SLC24A1: variants seen among roughly 807,000 people sequenced by gnomAD.
The protein encoded by SLC24A1 is solute carrier family 24 member 1, also known as sodium/potassium/calcium exchanger 1.
Under a neutral mutation model 88.1 loss-of-function variants are expected in SLC24A1, and 52 were observed. The observed-to-expected ratio is 0.59, with a 90% confidence interval of 0.47 to 0.74. The LOEUF is 0.74. Among genes scored for constraint, SLC24A1 ranks in the 30% least tolerant of loss-of-function variants. The probability of loss-of-function intolerance (pLI) is 0.00; values close to 1 mark genes in which losing one functional copy is unlikely to be tolerated. For missense variants in SLC24A1, 1,173 were observed against 1,363.3 expected (o/e 0.86, Z 2.20); for synonymous variants, 455 against 498.0 (o/e 0.91, Z 1.15).
At chr15:65,659,326 T>TTTTTTG (rs2075780365), downstream of SLC24A1, 1 of 109,582 alleles carries the variant, frequency 9.1e-6, no homozygotes, top group African/African-American at 4.5e-5. Flanking sequence ...TTTCTGGTTT[T>TTTTTTG]TTTTTTTTTT....
intron 2 of SLC24A1, among the ~76,000 whole-genome samples, chr15:65,615,512 G>A (rs975596970): frequency 1.3e-5 from 2 of 152,030 alleles, no homozygotes. Context: ...GTGTAACCCT[G>A]TCTCTACTAA....
intron 5 of SLC24A1, 21 bp downstream of exon 5, chr15:65,644,534 G>C (rs751944626): frequency 2.6e-6 from 4 of 1,536,576 alleles, no homozygotes; most frequent in Non-Finnish European, 2.7e-6. Flanking sequence ...GGCCAGACCA[G>C]TGGGTTTTCT....
Position 65,624,920 on chromosome 15 carries a change from C to A in SLC24A1, c.840C>A (p.Asn280Lys), listed in dbSNP as rs887605284. Residue 280 changes from asparagine (N) to lysine (K), a missense_variant, in exon 2 of 10, where the codon AAC (asparagine) becomes AAA (lysine). Transcript: ENST00000261892. ...CAAGGAGCGTCATGGAAAAAAACAA[C>A]CTGTTTCCCCCCAGAAGAGTGGAAA... Reference protein sequence around the residue: ...TSPRSVMEKNNLFPPRRVESN... With the variant: ...TSPRSVMEKNKLFPPRRVESN... 6.2e-7 allele frequency: 1 copy of A among 1,613,308 alleles called. No homozygotes were observed. Among genetic ancestry groups the A allele is most frequent in the African/African-American group, 1.3e-5 (1 of 74,894 alleles).
chr15:65,643,293 C>G (rs917998187), intron 4 of SLC24A1, among the ~76,000 whole-genome samples: 1 of 152,186 alleles, frequency 6.6e-6, no homozygotes, highest in African/African-American at 2.4e-5. Flanking sequence ...GCTAAAGGAA[C>G]AATATGAGTG....
chr15:65,642,708 G>A (rs577680833), intron 4 of SLC24A1, among the ~76,000 whole-genome samples: 1 of 152,256 alleles, frequency 6.6e-6, no homozygotes, highest in African/African-American at 2.4e-5. Flanking sequence ...CCACTTCGAG[G>A]GACCACACAT....
At chr15:65,642,397 G>A (rs549355216) in intron 4 of SLC24A1, among the ~76,000 whole-genome samples, 1 of 152,152 alleles carries the variant, frequency 6.6e-6, no homozygotes, top group Admixed American at 6.5e-5. Flanking sequence ...GAGACAGGGT[G>A]GGGGAGACCC....
chr15:65,660,125 A>C, downstream of SLC24A1: 1 of 552,786 alleles, frequency 1.8e-6, no homozygotes, highest in Non-Finnish European at 3.2e-6. Flanking sequence ...GTAGAACATG[A>C]AGCTTGGATC....
At chr15:65,615,423 C>T (rs1352626969) in intron 2 of SLC24A1, among the ~76,000 whole-genome samples, 1 of 152,176 alleles carries the variant, frequency 6.6e-6, no homozygotes, top group Non-Finnish European at 1.5e-5. Context: ...TGGCTCACGC[C>T]TGTAATTCCA....
chr15:65,624,058 GTAACCAGATA>G lies in SLC24A1; in HGVS notation c.-18_-9del. ...CTTAGGACAGAATGAGAGGCCTTCT[GTAACCAGATA>G]TAACTGGCCAGCATGGGGAAATTGA... On this transcript the variant is annotated 5_prime_UTR_variant, in exon 2 of 10. Transcript: ENST00000261892. 5.8e-6 allele frequency: 9 copies of G among 1,541,388 alleles called. No homozygotes were observed. Among genetic ancestry groups the G allele is most frequent in the Non-Finnish European group, 7.8e-6 (9 of 1,147,288 alleles).
intron 8 of SLC24A1, 192 bp downstream of exon 8, chr15:65,651,951 C>A: frequency 1.6e-6 from 1 of 612,144 alleles, no homozygotes. Context: ...GCTTTTCTGT[C>A]ATATCCTGTA....
At chr15:65,614,875 T>G (rs1199704468) in intron 2 of SLC24A1, among the ~76,000 whole-genome samples, 1 of 152,244 alleles carries the variant, frequency 6.6e-6, no homozygotes, top group Non-Finnish European at 1.5e-5. Context: ...TGGTAGATAC[T>G]ACATTTCTCT....
chr15:65,629,440 G>A (rs1005823752), intron 2 of SLC24A1, among the ~76,000 whole-genome samples: 5 of 152,164 alleles, frequency 3.3e-5, no homozygotes, highest in South Asian at 4.1e-4. Flanking sequence ...GGACAACATC[G>A]TCAGATTGAC....
At position 65,655,689 on chromosome 15, in the gene SLC24A1, G is replaced by C; in HGVS notation, c.*1610G>C. On this transcript the variant is annotated 3_prime_UTR_variant, in exon 10 of 10. Coordinates refer to ENST00000261892, the MANE Select transcript of SLC24A1 (RefSeq NM_004727.3). ...TCACTGAAGATGAAAAGATAGGACGGATGTGATATGAAAAAAACCCAAACA... is the reference window on the plus strand; with the variant it reads ...TCACTGAAGATGAAAAGATAGGACGCATGTGATATGAAAAAAACCCAAACA... The C allele has an allele frequency of 2.0e-6, 2 of 985,330 alleles. No homozygotes were observed. The highest frequency in any genetic ancestry group is 4.7e-5 in the South Asian group (1 of 21,274). The allele number at this position is 985,330 out of a possible 1,614,324, so 61.0% of individuals were successfully genotyped here.
intron 7 of SLC24A1, 21 bp from the exon 8 acceptor site, chr15:65,651,649 C>T (rs1057248336): frequency 4.6e-5 from 62 of 1,352,406 alleles, no homozygotes; most frequent in Non-Finnish European, 6.3e-5. Context: ...TACTTCTTGT[C>T]CTTTTCAAAC....
At position 65,625,471 on chromosome 15, in the gene SLC24A1, A is replaced by G. The variant is rs771003371; in HGVS notation, c.1391A>G (p.Tyr464Cys). 6.2e-6 allele frequency: 10 copies of G among 1,613,766 alleles called. No homozygotes were observed. The Middle Eastern group carries it at 6.6e-4, about 106-fold the overall frequency. The change falls in exon 2 of 10, where the codon TAT becomes TGT. Residue 464 changes from tyrosine (Y) to cysteine (C), a missense_variant. Tyr to Cys is a radical substitution (Grantham distance 194). Coordinates refer to ENST00000261892, the MANE Select transcript of SLC24A1 (RefSeq NM_004727.3). ...GTCCTGCACGTTTTTGGCATGATGT[A>G]TGTGTTTGTGGCCTTGGCCATTGTT... ...WVVLHVFGMM[Y>C]VFVALAIVCD...
At position 65,639,717 on chromosome 15, in the gene SLC24A1, C is replaced by T. The variant is rs1684013045; in HGVS notation, c.2053+14C>T. 1.9e-6 allele frequency: 3 copies of T among 1,556,286 alleles called. No homozygotes were observed. The highest frequency in any genetic ancestry group is 1.7e-5 in the Admixed American group (1 of 57,812). ...CCCTGAGGGAAGGTAAGCAAGGCCT[C>T]TCCAGACCTTTGTGGTTTGCCCCAT... is the stretch of plus-strand genomic sequence containing the variant. On this transcript the variant is annotated intron_variant, in intron 4 of 9. Coordinates refer to ENST00000261892, the MANE Select transcript of SLC24A1 (RefSeq NM_004727.3).
At chr15:65,635,032 T>C (rs550599939) in intron 2 of SLC24A1, among the ~76,000 whole-genome samples, 1 of 152,306 alleles carries the variant, frequency 6.6e-6, no homozygotes, top group South Asian at 2.1e-4. Context: ...CCATGAACAA[T>C]GAATCCTTAG....
upstream of SLC24A1, among the ~76,000 whole-genome samples, chr15:65,620,589 C>T (rs1314990978): frequency 6.6e-6 from 1 of 152,030 alleles, no homozygotes; most frequent in Non-Finnish European, 1.5e-5. Context: ...TGCCAGAATC[C>T]CATGATAATA....
rs1169100515 is a variant in SLC24A1, at chr15:65,650,704, G to A, written c.2555G>A (p.Gly852Glu). ...KNDEKGVEDG[G>E]GSDGGDSEEE... ...GATGAGAAAGGTGTAGAAGATGGAG[G>A]GGGAAGTGATGGAGGGGATAGCGAA... The change falls in exon 7 of 10, where the codon GGG becomes GAG. Residue 852 changes from glycine to glutamate, a missense_variant. Coordinates refer to ENST00000261892, the MANE Select transcript of SLC24A1 (RefSeq NM_004727.3). The surrounding 1 kb of genome is among the most constrained non-coding windows in gnomAD (Gnocchi z 4.1). 6.4e-7 allele frequency: 1 copy of A among 1,555,612 alleles called. No homozygotes were observed. The highest frequency in any genetic ancestry group is 8.7e-7 in the Non-Finnish European group (1 of 1,148,950).
Sources: allele counts gnomAD v4.1 joint callset (sites outside exome capture counted in the v4.1 genomes callset), GRCh38; gene constraint gnomAD v4.1.1; non-coding constraint Gnocchi (gnomAD v3.1); transcripts MANE v1.5; gene names NCBI Gene and HGNC (gene_info 2026-07-23, HGNC 2026-07-21).